The following CBFA2T2 variants were observed in gnomAD, a reference collection of about 807,000 sequenced individuals.
The protein encoded by CBFA2T2 is protein CBFA2T2.
Under a neutral mutation model 62.2 loss-of-function variants are expected in CBFA2T2, and 11 were observed. The ratio of observed to expected loss-of-function variants is 0.18; its 90% CI spans 0.11 to 0.29. The LOEUF is 0.29. CBFA2T2 is among the 10% of genes least tolerant of loss of function. CBFA2T2 has a pLI of 1.00. For missense variants in CBFA2T2, 592 were observed against 774.1 expected, an observed-to-expected ratio of 0.76 and a Z score of 2.79; for synonymous variants, 295 against 287.5, an observed-to-expected ratio of 1.03 and a Z score of -0.27.
chr20:33,559,219 C>A (rs1055809726), intron 1 of CBFA2T2, among the ~76,000 whole-genome samples: 2 of 140,662 alleles, frequency 1.4e-5, no homozygotes, highest in African/African-American at 5.6e-5. Context: ...ACTCTGTCAC[C>A]CAGGCTGGAG....
intron 1 of CBFA2T2, among the ~76,000 whole-genome samples, chr20:33,575,693 A>G (rs1318236139): frequency 3.9e-5 from 6 of 152,200 alleles, no homozygotes; most frequent in Non-Finnish European, 8.8e-5. Context: ...ATAAGAGTGA[A>G]GAGCTCAAGG....
At chr20:33,499,824 AG>A (rs1225249644) in intron 1 of CBFA2T2, among the ~76,000 whole-genome samples, 1 of 152,144 alleles carries the variant, frequency 6.6e-6, no homozygotes, top group Non-Finnish European at 1.5e-5. Flanking sequence ...CTCAGAAAAA[AG>A]AAAAAAAGAA....
At chr20:33,566,521 A>G (rs2013318473) in intron 1 of CBFA2T2, among the ~76,000 whole-genome samples, 1 of 152,016 alleles carries the variant, frequency 6.6e-6, no homozygotes, top group Non-Finnish European at 1.5e-5. Flanking sequence ...CAGGAGAATC[A>G]ATTGAACCTG....
intron 1 of CBFA2T2, among the ~76,000 whole-genome samples, chr20:33,582,103 A>C (rs1170913971): frequency 2.0e-5 from 3 of 152,174 alleles, no homozygotes; most frequent in African/African-American, 7.2e-5. Context: ...CAGCTACATC[A>C]TGAACTCCTT....
chr20:33,578,726 C>A (rs781411636), intron 1 of CBFA2T2, among the ~76,000 whole-genome samples: 35 of 152,194 alleles, frequency 2.3e-4, no homozygotes, highest in Non-Finnish European at 4.0e-4. Context: ...AAGGCCCACT[C>A]TGGCACCATT....
At chr20:33,585,709 C>T (rs527264415) in intron 1 of CBFA2T2, among the ~76,000 whole-genome samples, 2 of 152,238 alleles carry the variant, frequency 1.3e-5, no homozygotes, top group Admixed American at 6.5e-5. Flanking sequence ...TATTTCTGTG[C>T]TTTTTGTACC....
intron 1 of CBFA2T2, among the ~76,000 whole-genome samples, chr20:33,584,411 G>T (rs533644939): frequency 1.4e-4 from 21 of 151,614 alleles, no homozygotes; most frequent in Admixed American, 3.9e-4. Flanking sequence ...GACTACAGGC[G>T]CCTGGCTAAT....
chr20:33,513,068 T>C (rs2011537831), intron 1 of CBFA2T2, among the ~76,000 whole-genome samples: 1 of 151,950 alleles, frequency 6.6e-6, no homozygotes, highest in South Asian at 2.1e-4. Flanking sequence ...GTATGTCTTT[T>C]TGTTGGGTGT....
At chr20:33,633,385 T>A (rs200854526) in intron 8 of CBFA2T2, among the ~76,000 whole-genome samples, 2 of 140,066 alleles carry the variant, frequency 1.4e-5, no homozygotes, top group Non-Finnish European at 3.0e-5. Flanking sequence ...AAAAAATAAA[T>A]AAATAAATAA....
chr20:33,504,855 T>C (rs2011374054), intron 1 of CBFA2T2, among the ~76,000 whole-genome samples: 1 of 152,218 alleles, frequency 6.6e-6, no homozygotes, highest in Non-Finnish European at 1.5e-5. Flanking sequence ...GGAAGCACTA[T>C]ATCTGGGTGA....
chr20:33,620,486 A>G (rs1332290609), intron 4 of CBFA2T2, among the ~76,000 whole-genome samples: 1 of 152,112 alleles, frequency 6.6e-6, no homozygotes, highest in Non-Finnish European at 1.5e-5. Flanking sequence ...AGCCTGGGTG[A>G]CAGAGTGAGA....
At chr20:33,589,521 T>G (rs1369203695) in intron 1 of CBFA2T2, among the ~76,000 whole-genome samples, 2 of 152,226 alleles carry the variant, frequency 1.3e-5, no homozygotes, top group African/African-American at 2.4e-5. Context: ...TTGTCCAGAT[T>G]TCTCTGGAAA....
At chr20:33,626,636 G>A (rs1568862937) in intron 6 of CBFA2T2, among the ~76,000 whole-genome samples, 1 of 152,136 alleles carries the variant, frequency 6.6e-6, no homozygotes, top group African/African-American at 2.4e-5. Context: ...AGAACCAAAG[G>A]GCTATCAGCT....
chr20:33,495,709 A>G (rs1176624876), intron 1 of CBFA2T2, among the ~76,000 whole-genome samples: 1 of 152,166 alleles, frequency 6.6e-6, no homozygotes, highest in Non-Finnish European at 1.5e-5. Flanking sequence ...AAAAAAATGT[A>G]ATGGTTAAGA....
chr20:33,554,300 T>G (rs939537736), intron 1 of CBFA2T2, among the ~76,000 whole-genome samples: 1 of 150,656 alleles, frequency 6.6e-6, no homozygotes, highest in Non-Finnish European at 1.5e-5. Context: ...TCACCCAAGC[T>G]GGAGTGCAGA....
intron 2 of CBFA2T2, among the ~76,000 whole-genome samples, chr20:33,608,690 A>C (rs1184399413): frequency 1.3e-5 from 2 of 152,256 alleles, no homozygotes; most frequent in African/African-American, 4.8e-5. Context: ...GTATATGTAT[A>C]TACAAATTCA....
chr20:33,640,041 C>A (rs1278832053), intron 9 of CBFA2T2, among the ~76,000 whole-genome samples: 1 of 152,228 alleles, frequency 6.6e-6, no homozygotes, highest in East Asian at 1.9e-4. Flanking sequence ...GAACTCTAGT[C>A]TCTTACGATG....
Position 33,596,565 on chromosome 20 carries a change from C to CT in CBFA2T2, c.35-10384dup, listed in dbSNP as rs548204004. On this transcript the variant is annotated intron_variant, in intron 1 of 10. Transcript: ENST00000342704. ...TTCCTTGGCTTTTCTTTTTCAGTCT[C>CT]TTTTTTTAGTTTCTTGTCTTTCATG... Among the ~76,000 whole-genome samples the CT allele has an allele frequency of 4.2e-3, 640 of 152,170 alleles. 4 individuals are homozygous for CT. The highest frequency in any genetic ancestry group is 0.014 in the African/African-American group (592 of 41,510).
chr20:33,557,144 A>G, intron 1 of CBFA2T2, among the ~76,000 whole-genome samples: 1 of 149,008 alleles, frequency 6.7e-6, no homozygotes, highest in East Asian at 2.0e-4. Flanking sequence ...CCTCCCAAGT[A>G]GCTTGGATTA....
Sources: gnomAD v4.1 joint callset for allele counts (sites outside exome capture counted in the v4.1 genomes callset) on GRCh38, gnomAD v4.1.1 for gene constraint, MANE v1.5 for transcripts, NCBI Gene and HGNC (gene_info 2026-07-23, HGNC 2026-07-21) for gene names.